SH3BGRL3: variants seen among roughly 807,000 people sequenced by gnomAD.
SH3BGRL3 encodes SH3 domain binding glutamate rich protein like 3.
A neutral mutation model predicts 11.9 loss-of-function variants in SH3BGRL3; 8 were observed. The ratio of observed to expected loss-of-function variants is 0.67; its 90% CI spans 0.40 to 1.22. The LOEUF (loss-of-function observed/expected upper bound fraction) is 1.22, where lower values mean the gene tolerates loss of function less well. SH3BGRL3 is among the 50% of genes most tolerant of loss of function. SH3BGRL3 has a pLI of 0.01. For missense variants in SH3BGRL3, 119 were observed against 120.1 expected, an observed-to-expected ratio of 0.99 and a Z score of 0.04; for synonymous variants, 55 against 52.3, an observed-to-expected ratio of 1.05 and a Z score of -0.22.
intron 1 of SH3BGRL3, 138 bp from the exon 2 acceptor site, chr1:26,280,627 G>T: frequency 1.0e-6 from 1 of 1,000,526 alleles, no homozygotes; most frequent in Non-Finnish European, 1.5e-6. Flanking sequence ...CCAACTCCTA[G>T]AGGCCAGAAC....
Position 26,280,182 on chromosome 1 carries a change from G to T in SH3BGRL3, c.27G>T (p.Thr9=). Residue 9 remains threonine, a synonymous_variant, in exon 1 of 3, where the codon ACG becomes ACT. Transcript: ENST00000270792. The part of the protein sequence containing the change: MSGLRVYS[T]SVTGSREIKS... The stretch of plus-strand genomic sequence containing the variant: ...TGAGCGGCCTGCGCGTCTACAGCAC[G>T]TCGGTCACCGGCTCCCGCGAAGTAA... The T allele has an allele frequency of 6.4e-7, 1 of 1,557,020 alleles. No individual in the cohort carries two copies. Among genetic ancestry groups the T allele is most frequent in the East Asian group, 2.4e-5 (1 of 41,350 alleles).
Position 26,280,867 on chromosome 1 carries a change from C to A in SH3BGRL3, c.151C>A (p.Arg51=). Residue 51 remains arginine (R), a synonymous_variant, in exon 2 of 3, where the codon CGA becomes AGA. Transcript: ENST00000270792. ...GGACAACGCCCTGAGGGATGAGATGCGAGCCTTGGCAGGCAACCCCAAGGC... is the reference window on the plus strand; with the variant it reads ...GGACAACGCCCTGAGGGATGAGATGAGAGCCTTGGCAGGCAACCCCAAGGC... ...SQDNALRDEM[R]ALAGNPKATP... The A allele has an allele frequency of 1.2e-6, 2 of 1,612,266 alleles. No individual in the cohort carries two copies. Among genetic ancestry groups the A allele is most frequent in the Middle Eastern group, 1.7e-4 (1 of 6,058 alleles).
chr1:26,280,300 G>A (rs958752083), intron 1 of SH3BGRL3, 97 bp downstream of exon 1: 14 of 1,368,780 alleles, frequency 1.0e-5, no homozygotes, highest in South Asian at 4.7e-5. Flanking sequence ...GGACGGGGGC[G>A]GGGTGGGGGG....
At chr1:26,280,647 G>A in intron 1 of SH3BGRL3, 118 bp from the exon 2 acceptor site, 1 of 1,180,534 alleles carries the variant, frequency 8.5e-7, no homozygotes, top group Non-Finnish European at 1.2e-6. Context: ...CCCTCCCCTA[G>A]TGTGGAGGGG....
In SH3BGRL3 at chr1:26,280,149, C is replaced by T; in HGVS notation, c.-7C>T. The T allele has an allele frequency of 1.3e-6, 2 of 1,566,216 alleles. No homozygotes were observed. Among genetic ancestry groups the T allele is most frequent in the East Asian group, 2.4e-5 (1 of 41,922 alleles). ...TCTGCCCGCCGGCCCGTCTGTCTACCCCCAGCATGAGCGGCCTGCGCGTCT... is the reference window on the plus strand; with the variant it reads ...TCTGCCCGCCGGCCCGTCTGTCTACTCCCAGCATGAGCGGCCTGCGCGTCT... On this transcript the variant is annotated 5_prime_UTR_variant, in exon 1 of 3. Transcript: ENST00000270792.
chr1:26,280,956 T>TTGGGGGGGGGGGTGGGGGGGGG, intron 2 of SH3BGRL3, 24 bp downstream of exon 2: 1 of 764,940 alleles, frequency 1.3e-6, no homozygotes. Flanking sequence ...GACGGGGGGG[T>TTGGGGGGGGGGGTGGGGGGGGG]GGGGGGAGTG....
At chr1:26,281,026 C>T (rs528381922) in intron 2 of SH3BGRL3, 32 bp from the exon 3 acceptor site, 50 of 1,612,356 alleles carry the variant, frequency 3.1e-5, no homozygotes, top group Non-Finnish European at 4.2e-5. Context: ...CCCCTGCATT[C>T]AGGTGACCAC....
rs569799419 is a variant in SH3BGRL3 at position 26,281,216 on chromosome 1, G to A, written c.*93G>A. ...TGAAGGACCTTTTGACCAACTCCCT[G>A]TCATTCCTAACCTAACCTTAGAGTC... On this transcript the variant is annotated 3_prime_UTR_variant, in exon 3 of 3. Transcript: ENST00000270792. 1,521 of 1,270,770 alleles carry A rather than the reference G, an allele frequency of 1.2e-3. 3 individuals are homozygous for A. The highest frequency in any genetic ancestry group is 1.5e-3 in the Non-Finnish European group (1,388 of 903,492). 78.7% of individuals were successfully genotyped at this position (1,270,770 alleles called of 1,614,324 possible). A position where few individuals can be genotyped will look rare whatever the true frequency, so the allele number is the denominator to read the frequency against.
In SH3BGRL3 at chr1:26,280,222, T is replaced by C; in HGVS notation, c.48+19T>C. On this transcript the variant is annotated intron_variant, in intron 1 of 2. Coordinates refer to ENST00000270792, the MANE Select transcript of SH3BGRL3 (RefSeq NM_031286.4). ...CCGCGAAGTAAGTGCGCGCCCGGAC[T>C]GGCGCTGGGGGAAAGCGCAGGGCTG... 6.6e-7 allele frequency: 1 copy of C among 1,511,648 alleles called. No homozygotes were observed. Among genetic ancestry groups the C allele is most frequent in the Non-Finnish European group, 8.8e-7 (1 of 1,133,112 alleles). The allele number at this position is 1,511,648 out of a possible 1,614,324, so 93.6% of individuals were successfully genotyped here.
chr1:26,281,210 C>A lies in SH3BGRL3; in HGVS notation c.*87C>A, dbSNP rs550003076. ...TGGCCATGAAGGACCTTTTGACCAACTCCCTGTCATTCCTAACCTAACCTT... is the reference window on the plus strand; with the variant it reads ...TGGCCATGAAGGACCTTTTGACCAAATCCCTGTCATTCCTAACCTAACCTT... On this transcript the variant is annotated 3_prime_UTR_variant, in exon 3 of 3. Transcript: ENST00000270792. 2.2e-4 allele frequency: 289 copies of A among 1,329,442 alleles called. No homozygotes were observed. The Middle Eastern group carries it at 4.4e-3, about 20-fold the overall frequency. 82.4% of individuals were successfully genotyped at this position (1,329,442 alleles called of 1,614,324 possible). A position where few individuals can be genotyped will look rare whatever the true frequency, so the allele number is the denominator to read the frequency against.
At position 26,281,099 on chromosome 1, in the gene SH3BGRL3, G is replaced by A. The variant is rs1444548729; in HGVS notation, c.258G>A (p.Leu86=). Residue 86 remains leucine, a synonymous_variant, in exon 3 of 3, where the codon CTG becomes CTA. Coordinates refer to ENST00000270792, the MANE Select transcript of SH3BGRL3 (RefSeq NM_031286.4). The part of the protein sequence containing the change: ...LFVEAVEQNT[L]QEFLKLA ...TGGAGGCTGTGGAACAAAACACGCT[G>A]CAGGAGTTCCTGAAGCTGGCTTGAG... The A allele has an allele frequency of 2.5e-6, 4 of 1,613,976 alleles. No individual in the cohort carries two copies. Among genetic ancestry groups the A allele is most frequent in the Non-Finnish European group, 3.4e-6 (4 of 1,179,976 alleles).
In SH3BGRL3 at chr1:26,281,338, A is replaced by G. The variant is rs1337953577; in HGVS notation, c.*215A>G. 3.9e-6 allele frequency: 2 copies of G among 510,636 alleles called. No individual in the cohort carries two copies. The highest frequency in any genetic ancestry group is 7.0e-6 in the Non-Finnish European group (2 of 285,362). 31.6% of individuals were successfully genotyped at this position (510,636 alleles called of 1,614,324 possible). On this transcript the variant is annotated 3_prime_UTR_variant, in exon 3 of 3. Transcript: ENST00000270792. ...CATTCCTTACCCATTAGTCTCAGAA[A>G]TTGTCTTAAGCAACAGCCCCAAATG...
At position 26,281,126 on chromosome 1, in the gene SH3BGRL3, C is replaced by T. The variant is rs1028491288; in HGVS notation, c.*3C>T. 5.6e-6 allele frequency: 9 copies of T among 1,613,148 alleles called. No individual in the cohort carries two copies. The highest frequency in any genetic ancestry group is 2.7e-5 in the African/African-American group (2 of 74,870). ...AGGAGTTCCTGAAGCTGGCTTGAGT[C>T]AAGCCTGTCCAGAGTTCCCCTGCTG... On this transcript the variant is annotated 3_prime_UTR_variant, in exon 3 of 3. Coordinates refer to ENST00000270792, the MANE Select transcript of SH3BGRL3 (RefSeq NM_031286.4).
chr1:26,281,468 T>C lies in SH3BGRL3; in HGVS notation c.*345T>C, dbSNP rs2072982141. 4.0e-6 allele frequency: 1 copy of C among 251,646 alleles called. No homozygotes were observed. Among genetic ancestry groups the C allele is most frequent in the South Asian group, 6.3e-5 (1 of 15,830 alleles). 15.6% of individuals were successfully genotyped at this position (251,646 alleles called of 1,614,324 possible). On this transcript the variant is annotated 3_prime_UTR_variant, in exon 3 of 3. Coordinates refer to ENST00000270792, the MANE Select transcript of SH3BGRL3 (RefSeq NM_031286.4). ...CAGAGCTCTGCCAAAGGCCCCGCAGTCCCTCTCCCAGGAGGACCCTAGAGG... is the reference window on the plus strand; with the variant it reads ...CAGAGCTCTGCCAAAGGCCCCGCAGCCCCTCTCCCAGGAGGACCCTAGAGG...
At position 26,280,178 on chromosome 1, in the gene SH3BGRL3, G is replaced by A. The variant is rs773265857; in HGVS notation, c.23G>A (p.Ser8Asn). MSGLRVYSTSVTGSREIK... is the reference protein window; with the variant it reads MSGLRVYNTSVTGSREIK... The stretch of plus-strand genomic sequence containing the variant: ...AGCATGAGCGGCCTGCGCGTCTACA[G>A]CACGTCGGTCACCGGCTCCCGCGAA... Residue 8 changes from serine (S) to asparagine (N), a missense_variant, in exon 1 of 3, where the codon AGC becomes AAC. Transcript: ENST00000270792. The A allele has an allele frequency of 6.4e-7, 1 of 1,560,418 alleles. No homozygotes were observed. Among genetic ancestry groups the A allele is most frequent in the Non-Finnish European group, 8.6e-7 (1 of 1,156,112 alleles).
Position 26,280,920 on chromosome 1 carries a change from C to G in SH3BGRL3, c.204C>G (p.Asp68Glu). ...KATPPQIVNG[D>E]QYCGDYELFV... ...CCCCACCCCAGATTGTCAACGGGGA[C>G]CAGTACTGTGGGGTATGGGCTGGGG... The change falls in exon 2 of 3, where the codon GAC becomes GAG. Residue 68 changes from aspartate (D) to glutamate (E), a missense_variant. By Grantham distance (45) the Asp-to-Glu change is conservative. Transcript: ENST00000270792. 6.2e-7 allele frequency: 1 copy of G among 1,612,804 alleles called. No individual in the cohort carries two copies. The highest frequency in any genetic ancestry group is 8.5e-7 in the Non-Finnish European group (1 of 1,179,596).
rs184097006 is a variant in SH3BGRL3, at chr1:26,281,442, C to A, written c.*319C>A. The A allele has an allele frequency of 2.6e-4, 75 of 292,846 alleles. No individual in the cohort carries two copies. Among genetic ancestry groups the A allele is most frequent in the African/African-American group, 1.4e-3 (65 of 47,096 alleles). 18.1% of individuals were successfully genotyped at this position (292,846 alleles called of 1,614,324 possible). A position where few individuals can be genotyped will look rare whatever the true frequency, so the allele number is the denominator to read the frequency against. ...TGGGCACCTCTGTTGGTTCCATCAG[C>A]CAGAGCTCTGCCAAAGGCCCCGCAG... On this transcript the variant is annotated 3_prime_UTR_variant, in exon 3 of 3. Coordinates refer to ENST00000270792, the MANE Select transcript of SH3BGRL3 (RefSeq NM_031286.4).
chr1:26,280,098 C>G lies in SH3BGRL3; in HGVS notation c.-58C>G, dbSNP rs1336951162. ...GCACGGCGGCGGCGTCGTCTCCCGGCAGTGCAGCTGCCGCTACCGCCGCCC... is the reference window on the plus strand; with the variant it reads ...GCACGGCGGCGGCGTCGTCTCCCGGGAGTGCAGCTGCCGCTACCGCCGCCC... On this transcript the variant is annotated 5_prime_UTR_variant, in exon 1 of 3. Transcript: ENST00000270792. 1 of 1,539,418 alleles carries G rather than the reference C, an allele frequency of 6.5e-7. No individual in the cohort carries two copies. Among genetic ancestry groups the G allele is most frequent in the Non-Finnish European group, 8.8e-7 (1 of 1,139,298 alleles).
rs755897743 is a variant in SH3BGRL3, at chr1:26,280,935, ATGGGCTGGGGGACGGGGGGG to A, written c.216+8_216+27del. 5 of 634,316 alleles carry A rather than the reference ATGGGCTGGGGGACGGGGGGG, an allele frequency of 7.9e-6. No individual in the cohort carries two copies. Among genetic ancestry groups the A allele is most frequent in the African/African-American group, 5.7e-5 (3 of 53,036 alleles). The allele number at this position is 634,316 out of a possible 1,614,324, so 39.3% of individuals were successfully genotyped here. A position where few individuals can be genotyped will look rare whatever the true frequency, so the allele number is the denominator to read the frequency against. ...TCAACGGGGACCAGTACTGTGGGGT[ATGGGCTGGGGGACGGGGGGG>A]TGGGGGGAGTGTTGGAAGAGGACTC... On this transcript the variant is annotated splice_donor_5th_base_variant and intron_variant, in intron 2 of 2. Transcript: ENST00000270792.
Sources: gnomAD v4.1 joint callset for allele counts on GRCh38, gnomAD v4.1.1 for gene constraint, MANE v1.5 for transcripts, NCBI Gene and HGNC (gene_info 2026-07-23, HGNC 2026-07-21) for gene names.